The following DPP10 variants were observed in gnomAD, a reference collection of about 807,000 sequenced individuals.
The protein encoded by DPP10 is inactive dipeptidyl peptidase 10.
Under a neutral mutation model 120.9 loss-of-function variants are expected in DPP10, and 33 were observed. The ratio of observed to expected loss-of-function variants is 0.27; its 90% confidence interval spans 0.21 to 0.37. DPP10 has a LOEUF of 0.37. Among genes scored for constraint, DPP10 ranks in the 10% least tolerant of loss-of-function variants. The probability of loss-of-function intolerance (pLI) is 1.00; values close to 1 mark genes in which losing one functional copy is unlikely to be tolerated. For missense variants in DPP10, 816 were observed against 942.8 expected (o/e 0.87, Z 1.76); for synonymous variants, 337 against 326.1 (o/e 1.03, Z -0.36).
rs578133119 is a variant in DPP10, at chr2:115,254,912, G to T, written c.61-54327G>T. Among the ~76,000 whole-genome samples, 191 of 152,272 alleles carry T rather than the reference G, an allele frequency of 1.3e-3. 1 individual carries two copies. Among genetic ancestry groups the T allele is most frequent in the African/African-American group, 3.9e-3 (164 of 41,564 alleles). ...GGTGCTCTTCCGGCTGCTTTCATGG[G>T]CTGGCGTTGTCTGTGGCTTTACAGG... On this transcript the variant is annotated intron_variant, in intron 1 of 25. Transcript: ENST00000410059.
chr2:115,078,626 G>A (rs941449169), intron 1 of DPP10, among the ~76,000 whole-genome samples: 1 of 152,108 alleles, frequency 6.6e-6, no homozygotes, highest in African/African-American at 2.4e-5. Flanking sequence ...ATAACTTTTA[G>A]AATTACGTTT....
chr2:114,888,774 T>C (rs1247505532), intron 1 of DPP10, among the ~76,000 whole-genome samples: 1 of 152,178 alleles, frequency 6.6e-6, no homozygotes, highest in African/African-American at 2.4e-5. Context: ...ATGTTTCTCT[T>C]TTCGGTTCCT....
intron 1 of DPP10, among the ~76,000 whole-genome samples, chr2:115,153,085 G>A (rs2051670703): frequency 6.6e-6 from 1 of 152,092 alleles, no homozygotes; most frequent in Admixed American, 6.6e-5. Context: ...CTTTTATAAT[G>A]GGGAGTAAGC....
At chr2:114,581,556 C>A (rs930534015) in intron 1 of DPP10, among the ~76,000 whole-genome samples, 1 of 152,172 alleles carries the variant, frequency 6.6e-6, no homozygotes, top group Non-Finnish European at 1.5e-5. Flanking sequence ...ACTTTTCTAA[C>A]CTGCTGTGGA....
intron 1 of DPP10, among the ~76,000 whole-genome samples, chr2:114,868,218 T>C (rs1173205542): frequency 2.6e-5 from 4 of 152,186 alleles, no homozygotes; most frequent in Non-Finnish European, 5.9e-5. Context: ...CCATATAGGC[T>C]GAATCCTTGA....
intron 19 of DPP10, among the ~76,000 whole-genome samples, chr2:115,808,548 A>G (rs1372271790): frequency 6.6e-6 from 1 of 152,226 alleles, no homozygotes; most frequent in African/African-American, 2.4e-5. Flanking sequence ...AATCCCTGCC[A>G]TAACTCTACT....
At chr2:114,866,535 G>T (rs980274278) in intron 1 of DPP10, among the ~76,000 whole-genome samples, 33 of 152,166 alleles carry the variant, frequency 2.2e-4, no homozygotes, top group African/African-American at 7.5e-4. Flanking sequence ...GTAAGCTTTA[G>T]AAAGTTAATC....
chr2:114,702,595 C>T (rs1700450228), intron 1 of DPP10, among the ~76,000 whole-genome samples: 1 of 152,090 alleles, frequency 6.6e-6, no homozygotes, highest in Admixed American at 6.6e-5. Flanking sequence ...CTCCCTGGTC[C>T]ATGAGGCCAT....
intron 5 of DPP10, among the ~76,000 whole-genome samples, chr2:115,663,553 G>A (rs1466178613): frequency 2.0e-5 from 3 of 152,134 alleles, no homozygotes; most frequent in East Asian, 1.9e-4. Context: ...AGGCTCAGTG[G>A]CTTGCTGTAT....
intron 1 of DPP10, among the ~76,000 whole-genome samples, chr2:114,747,148 T>A (rs1001258797): frequency 1.3e-5 from 2 of 152,286 alleles, no homozygotes; most frequent in African/African-American, 4.8e-5. Context: ...TGAGGGAGAA[T>A]GATGAGTCTG....
chr2:115,817,152 G>A (rs771777058), intron 21 of DPP10, among the ~76,000 whole-genome samples: 1 of 151,904 alleles, frequency 6.6e-6, no homozygotes, highest in East Asian at 2.0e-4. Flanking sequence ...GGAAGCTGAG[G>A]CAGGAGAATG....
chr2:115,544,777 G>A (rs1045592522), intron 5 of DPP10, among the ~76,000 whole-genome samples: 3 of 152,020 alleles, frequency 2.0e-5, no homozygotes, highest in Admixed American at 1.3e-4. Context: ...CTACAGAGGG[G>A]TATAAACTGT....
At position 115,503,568 on chromosome 2, in the gene DPP10, G is replaced by A. The variant is rs185242388; in HGVS notation, c.366+3964G>A. On this transcript the variant is annotated intron_variant, in intron 4 of 25. Transcript: ENST00000410059. ...ATTATCAGAAAATTCGATTGGCCAC[G>A]TAGCCTCACATAATGGCCAATAGTA... Among the ~76,000 whole-genome samples, 631 of 152,216 alleles carry A rather than the reference G, an allele frequency of 4.1e-3. 6 individuals are homozygous for A. The highest frequency in any genetic ancestry group is 0.014 in the African/African-American group (602 of 41,554).
At chr2:115,420,377 G>A (rs1171280610) in intron 3 of DPP10, among the ~76,000 whole-genome samples, 1 of 152,084 alleles carries the variant, frequency 6.6e-6, no homozygotes, top group Non-Finnish European at 1.5e-5. Context: ...AGAAAGAGAT[G>A]GCTAAAACAA....
intron 1 of DPP10, among the ~76,000 whole-genome samples, chr2:114,758,310 T>C (rs1299673224): frequency 6.6e-6 from 1 of 152,260 alleles, no homozygotes; most frequent in Non-Finnish European, 1.5e-5. Context: ...TCCACACTTC[T>C]GTAGGCACCA....
chr2:115,715,101 A>G (rs2092447834), intron 7 of DPP10, among the ~76,000 whole-genome samples: 1 of 150,516 alleles, frequency 6.6e-6, no homozygotes, highest in Admixed American at 6.7e-5. Context: ...GCATTTTGGG[A>G]GGCCGAGGGA....
intron 5 of DPP10, among the ~76,000 whole-genome samples, chr2:115,595,549 G>T (rs2082936076): frequency 1.3e-5 from 2 of 152,018 alleles, no homozygotes; most frequent in African/African-American, 4.8e-5. Flanking sequence ...CTGTGTCAGT[G>T]TGCTTTTGAT....
chr2:114,881,112 C>T (rs1691566246), intron 1 of DPP10, among the ~76,000 whole-genome samples: 1 of 152,094 alleles, frequency 6.6e-6, no homozygotes, highest in African/African-American at 2.4e-5. Flanking sequence ...CATCTATACA[C>T]ATAAACATGA....
At chr2:115,317,362 A>G (rs1481202719) in intron 2 of DPP10, among the ~76,000 whole-genome samples, 4 of 152,198 alleles carry the variant, frequency 2.6e-5, no homozygotes, top group African/African-American at 7.2e-5. Flanking sequence ...CACTTGTAAC[A>G]GTGCTTCATC....
Sources: allele counts gnomAD v4.1 joint callset (sites outside exome capture counted in the v4.1 genomes callset), GRCh38; gene constraint gnomAD v4.1.1; transcripts MANE v1.5; gene names NCBI Gene and HGNC (gene_info 2026-07-23, HGNC 2026-07-21).